The following ARHGAP12 variants were observed in gnomAD, a reference collection of about 807,000 sequenced individuals.
ARHGAP12 encodes the protein Rho GTPase activating protein 12.
ARHGAP12 carries 64 observed loss-of-function variants against 108.6 expected under a neutral mutation model. The ratio of observed to expected loss-of-function variants is 0.59; its 90% CI spans 0.48 to 0.73. The LOEUF (loss-of-function observed/expected upper bound fraction) is 0.73, where lower values mean the gene tolerates loss of function less well. ARHGAP12 is among the 30% of genes least tolerant of loss of function. The pLI, the probability that ARHGAP12 is intolerant of heterozygous loss-of-function variation, is 0.00. For missense variants in ARHGAP12, 940 were observed against 1,005.9 expected (o/e 0.93, Z 0.89); for synonymous variants, 312 against 337.2 (o/e 0.93, Z 0.82).
intron 3 of ARHGAP12, among the ~76,000 whole-genome samples, chr10:31,883,151 C>G (rs1377591117): frequency 2.0e-5 from 3 of 151,022 alleles, no homozygotes; most frequent in African/African-American, 7.3e-5. Context: ...CAAAACTAGC[C>G]AGGCGTGGTG....
chr10:31,820,548 A>T (rs1041533869), intron 11 of ARHGAP12, 60 bp from the exon 12 acceptor site: 3 of 946,332 alleles, frequency 3.2e-6, no homozygotes, highest in Admixed American at 2.9e-5. Flanking sequence ...GTGTATTCAA[A>T]AATAATTAAG....
At chr10:31,862,546 G>A (rs955768227) in intron 3 of ARHGAP12, among the ~76,000 whole-genome samples, 1 of 152,110 alleles carries the variant, frequency 6.6e-6, no homozygotes, top group Non-Finnish European at 1.5e-5. Context: ...TTGTATTTCT[G>A]TATATATTTT....
chr10:31,854,620 G>A (rs1354827827), intron 4 of ARHGAP12, among the ~76,000 whole-genome samples: 1 of 152,138 alleles, frequency 6.6e-6, no homozygotes, highest in Non-Finnish European at 1.5e-5. Context: ...TGTACCACAA[G>A]CATATAGCCA....
intron 1 of ARHGAP12, among the ~76,000 whole-genome samples, chr10:31,922,985 G>A (rs568583117): frequency 9.9e-5 from 15 of 152,066 alleles, no homozygotes; most frequent in Non-Finnish European, 1.9e-4. Context: ...TACAAAATTA[G>A]CTGGGCATGG....
At position 31,808,656 on chromosome 10, in the gene ARHGAP12, G is replaced by A; in HGVS notation, c.2359C>T (p.Leu787Phe). 3 of 1,612,990 alleles carry A rather than the reference G, an allele frequency of 1.9e-6. No homozygotes were observed. Among genetic ancestry groups the A allele is most frequent in the East Asian group, 2.2e-5 (1 of 44,832 alleles). The change falls in exon 19 of 20, where the codon CTC becomes TTC. Residue 787 changes from leucine (L) to phenylalanine (F), a missense_variant. Physicochemically the swap from Leu to Phe is conservative, Grantham distance 22. Coordinates refer to ENST00000344936, the MANE Select transcript of ARHGAP12 (RefSeq NM_018287.7). ...ACTGGGCAGTCCTCCTACCTTCTGAGATGTCGGAAAAGAATCTGCATTGTG... is the reference window on the plus strand; with the variant it reads ...ACTGGGCAGTCCTCCTACCTTCTGAAATGTCGGAAAAGAATCTGCATTGTG... Reference protein sequence around the residue: ...QDTMQILFRHLRRVIENGEKN... With the variant: ...QDTMQILFRHFRRVIENGEKN...
At chr10:31,816,505 C>T (rs529704541) in intron 13 of ARHGAP12, among the ~76,000 whole-genome samples, 1 of 152,288 alleles carries the variant, frequency 6.6e-6, no homozygotes, top group South Asian at 2.1e-4. Flanking sequence ...ATGCATAAGG[C>T]ATTCACATAT....
chr10:31,860,088 T>C (rs1029034331), intron 4 of ARHGAP12, among the ~76,000 whole-genome samples: 5 of 152,218 alleles, frequency 3.3e-5, no homozygotes, highest in African/African-American at 1.2e-4. Flanking sequence ...TCCTTTCTTG[T>C]TATAGTTAAA....
intron 3 of ARHGAP12, among the ~76,000 whole-genome samples, chr10:31,865,009 G>C (rs543874342): frequency 4.3e-4 from 66 of 152,270 alleles, no homozygotes; most frequent in Middle Eastern, 6.8e-3. Flanking sequence ...AAACAGCAGG[G>C]AGGAAGAACA....
intron 7 of ARHGAP12, among the ~76,000 whole-genome samples, chr10:31,843,091 TTAAAA>T (rs1836329395): frequency 6.6e-6 from 1 of 151,992 alleles, no homozygotes; most frequent in African/African-American, 2.4e-5. Context: ...GAATGTGACT[TTAAAA>T]TAAGGTAAGC....
At chr10:31,881,464 AAT>A (rs1385900623) in intron 3 of ARHGAP12, among the ~76,000 whole-genome samples, 1 of 152,232 alleles carries the variant, frequency 6.6e-6, no homozygotes, top group Non-Finnish European at 1.5e-5. Context: ...AAAGTCTGAA[AAT>A]ATCTTTTGAG....
chr10:31,831,683 AT>A (rs1032099212), intron 10 of ARHGAP12, 55 bp downstream of exon 10: 11 of 1,224,264 alleles, frequency 9.0e-6, no homozygotes, highest in African/African-American at 3.0e-5. Flanking sequence ...TATATTGAGA[AT>A]TTTTAATTTA....
intron 4 of ARHGAP12, among the ~76,000 whole-genome samples, chr10:31,856,633 CAT>C (rs1297331437): frequency 6.6e-6 from 1 of 152,124 alleles, no homozygotes; most frequent in Non-Finnish European, 1.5e-5. Context: ...TTTAAATATT[CAT>C]AGTTTCTCTA....
chr10:31,890,426 AT>A (rs1266801751), intron 3 of ARHGAP12, among the ~76,000 whole-genome samples: 1 of 152,214 alleles, frequency 6.6e-6, no homozygotes, highest in East Asian at 1.9e-4. Flanking sequence ...ACCAAAACTT[AT>A]TTAAGCCATT....
intron 1 of ARHGAP12, among the ~76,000 whole-genome samples, chr10:31,924,315 G>A (rs550844095): frequency 2.6e-5 from 4 of 152,042 alleles, no homozygotes; most frequent in Admixed American, 6.6e-5. Context: ...TACAAACTGT[G>A]GTACAATCCA....
At chr10:31,891,711 C>T (rs1041874862) in intron 3 of ARHGAP12, among the ~76,000 whole-genome samples, 6 of 152,134 alleles carry the variant, frequency 3.9e-5, no homozygotes. Context: ...GTCACTTTCA[C>T]GTACACCAAT....
intron 8 of ARHGAP12, 52 bp from the exon 9 acceptor site, chr10:31,839,371 A>G: frequency 4.5e-6 from 7 of 1,542,922 alleles, no homozygotes; most frequent in Non-Finnish European, 6.2e-6. Context: ...TGGGAATTTT[A>G]TATTTATTTT....
intron 3 of ARHGAP12, among the ~76,000 whole-genome samples, chr10:31,871,547 G>A (rs572915833): frequency 3.3e-5 from 5 of 152,040 alleles, no homozygotes; most frequent in Admixed American, 2.0e-4. Flanking sequence ...CATTTCTCCC[G>A]CCTCCCCTGA....
At chr10:31,892,727 T>A (rs1838503365) in intron 3 of ARHGAP12, among the ~76,000 whole-genome samples, 1 of 152,148 alleles carries the variant, frequency 6.6e-6, no homozygotes, top group African/African-American at 2.4e-5. Flanking sequence ...ATCCAGGAAT[T>A]GAACTCAGCT....
intron 3 of ARHGAP12, among the ~76,000 whole-genome samples, chr10:31,862,758 G>C (rs558301270): frequency 6.9e-6 from 1 of 145,908 alleles, no homozygotes; most frequent in Non-Finnish European, 1.5e-5. Context: ...ACACGCCTCC[G>C]ACGTGACAAC....
Sources: gnomAD v4.1 joint callset for allele counts (sites outside exome capture counted in the v4.1 genomes callset) on GRCh38, gnomAD v4.1.1 for gene constraint, MANE v1.5 for transcripts, NCBI Gene and HGNC (gene_info 2026-07-23, HGNC 2026-07-21) for gene names.